PHACTR2: variants seen among roughly 807,000 people sequenced by gnomAD.
PHACTR2 encodes chromosome 6 open reading frame 56.
PHACTR2 carries 30 observed loss-of-function variants against 76.0 expected under a neutral mutation model. The ratio of observed to expected loss-of-function variants is 0.39; its 90% CI spans 0.30 to 0.54. The LOEUF is 0.54. Ranked by LOEUF, PHACTR2 falls within the 20% of genes least tolerant of loss-of-function variation. The pLI is 0.61. For synonymous variants in PHACTR2, 292 were observed against 292.5 expected (o/e 1.00, Z 0.02); for missense variants, 696 against 781.1 (o/e 0.89, Z 1.30).
rs1192848287 is a variant in PHACTR2 at position 143,543,948 on chromosome 6, G to A, written c.217+6741G>A. Among the ~76,000 whole-genome samples, 1 of 152,154 alleles carries A rather than the reference G, an allele frequency of 6.6e-6. No homozygotes were observed. The highest frequency in any genetic ancestry group is 1.5e-5 in the Non-Finnish European group (1 of 68,028). On this transcript the variant is annotated intron_variant, in intron 1 of 11. Transcript: ENST00000367584. The surrounding 1 kb of genome is among the most constrained non-coding windows in gnomAD (Gnocchi z 4.7). The stretch of plus-strand genomic sequence containing the variant: ...CTCAGAAAACAATACCGCAAAGCGT[G>A]GTGCTTTGATGTGCTGAGTATTTCT...
chr6:143,657,336 A>G (rs1274063038), intron 1 of PHACTR2, among the ~76,000 whole-genome samples: 1 of 152,020 alleles, frequency 6.6e-6, no homozygotes, highest in Non-Finnish European at 1.5e-5. Flanking sequence ...CCCTATCAAG[A>G]TGTAGAATAT....
Position 143,830,325 on chromosome 6 carries a change from G to A in PHACTR2, c.*6636G>A, listed in dbSNP as rs1469575576. The A allele has an allele frequency of 1.4e-5, 2 of 145,154 alleles. No individual in the cohort carries two copies. Among genetic ancestry groups the A allele is most frequent in the Admixed American group, 1.4e-4 (2 of 14,368 alleles). 9.0% of individuals were successfully genotyped at this position (145,154 alleles called of 1,614,324 possible). A position where few individuals can be genotyped will look rare whatever the true frequency, so the allele number is the denominator to read the frequency against. On this transcript the variant is annotated 3_prime_UTR_variant, in exon 13 of 13. Coordinates refer to ENST00000440869, the MANE Select transcript of PHACTR2 (RefSeq NM_001100164.2). ...TGTGTAACAGGGATTTTTAAATAAC[G>A]GACTATATGCATTCTTTTGTTATTT...
Position 143,825,625 on chromosome 6 carries a change from T to C in PHACTR2, c.*1936T>C, listed in dbSNP as rs1272748907. 2 of 152,194 alleles carry C rather than the reference T, an allele frequency of 1.3e-5. No homozygotes were observed. Among genetic ancestry groups the C allele is most frequent in the Non-Finnish European group, 2.9e-5 (2 of 68,024 alleles). 9.4% of individuals were successfully genotyped at this position (152,194 alleles called of 1,614,324 possible). ...TAAAAATTAACTTGTGATTTTTTTT[T>C]TCCCAAAGTCATGCTTTTCCTTAAT... On this transcript the variant is annotated 3_prime_UTR_variant, in exon 13 of 13. Coordinates refer to ENST00000440869, the MANE Select transcript of PHACTR2 (RefSeq NM_001100164.2). The surrounding 1 kb of genome is among the most constrained non-coding windows in gnomAD (Gnocchi z 4.1).
In PHACTR2 at chr6:143,775,924, A is replaced by G. The variant is rs1189422133; in HGVS notation, c.1590-1404A>G. On this transcript the variant is annotated intron_variant, in intron 8 of 12. Transcript: ENST00000440869. This position sits in a 1 kb window ranked among gnomAD's most constrained non-coding sequence, Gnocchi z 4.4. ...GGCAGGCAGATCACCTGAGGTCAGG[A>G]GTTCAAGACCGGCCTGGCCAACATG... Among the ~76,000 whole-genome samples, 1 of 152,194 alleles carries G rather than the reference A, an allele frequency of 6.6e-6. No individual in the cohort carries two copies. The highest frequency in any genetic ancestry group is 2.4e-5 in the African/African-American group (1 of 41,450).
At chr6:143,771,471 T>C (rs898293533) in intron 6 of PHACTR2, among the ~76,000 whole-genome samples, 1 of 151,258 alleles carries the variant, frequency 6.6e-6, no homozygotes, top group African/African-American at 2.4e-5. Flanking sequence ...AGTTTTGCTC[T>C]TGTTGCCCAG....
At chr6:143,637,686 T>C (rs577468061) in intron 1 of PHACTR2, among the ~76,000 whole-genome samples, 1 of 152,372 alleles carries the variant, frequency 6.6e-6, no homozygotes, top group East Asian at 1.9e-4. Flanking sequence ...GGTCCCATGT[T>C]AGCAGAGTCA....
chr6:143,749,803 A>T (rs2128469915), intron 3 of PHACTR2, among the ~76,000 whole-genome samples: 1 of 152,306 alleles, frequency 6.6e-6, no homozygotes, highest in East Asian at 1.9e-4. Flanking sequence ...CAAATAAATA[A>T]TACCTAATGA....
chr6:143,724,859 A>G (rs1281416111), intron 2 of PHACTR2, among the ~76,000 whole-genome samples: 1 of 152,230 alleles, frequency 6.6e-6, no homozygotes, highest in Non-Finnish European at 1.5e-5. Context: ...CAATGAGCCT[A>G]TAGTTCACTG....
At chr6:143,575,420 G>A (rs2128432232) in intron 1 of PHACTR2, among the ~76,000 whole-genome samples, 1 of 152,280 alleles carries the variant, frequency 6.6e-6, no homozygotes, top group South Asian at 2.1e-4. Flanking sequence ...TTATATGAAT[G>A]ATCTGTCCTT....
At chr6:143,636,938 C>T (rs1422058219) in intron 1 of PHACTR2, among the ~76,000 whole-genome samples, 1 of 152,202 alleles carries the variant, frequency 6.6e-6, no homozygotes, top group Non-Finnish European at 1.5e-5. Flanking sequence ...AATAGATCTT[C>T]CCTCTGCCAT....
Position 143,710,048 on chromosome 6 carries a change from T to C in PHACTR2, c.47-1968T>C, listed in dbSNP as rs1437603297. Among the ~76,000 whole-genome samples, 2 of 152,174 alleles carry C rather than the reference T, an allele frequency of 1.3e-5. No homozygotes were observed. The highest frequency in any genetic ancestry group is 1.5e-5 in the Non-Finnish European group (1 of 68,024). ...TGCATGGTCACAGGTTCTTCTATGG[T>C]GCTCGGCTGTAGTAGAGCAGTTATT... On this transcript the variant is annotated intron_variant, in intron 1 of 12. Coordinates refer to ENST00000440869, the MANE Select transcript of PHACTR2 (RefSeq NM_001100164.2). This position sits in a 1 kb window ranked among gnomAD's most constrained non-coding sequence, Gnocchi z 4.9.
At position 143,548,105 on chromosome 6, in the gene PHACTR2, C is replaced by A. The variant is rs1775036953; in HGVS notation, c.217+10898C>A. Among the ~76,000 whole-genome samples, 1 of 152,292 alleles carries A rather than the reference C, an allele frequency of 6.6e-6. No homozygotes were observed. The highest frequency in any genetic ancestry group is 1.9e-4 in the East Asian group (1 of 5,174). ...GTTCTGGAGGCTGGAAGTTCAAGAT[C>A]AAGACACTGGCAGATTCAGTGTTTG... On this transcript the variant is annotated intron_variant, in intron 1 of 11. Transcript: ENST00000367584. The surrounding 1 kb of genome is among the most constrained non-coding windows in gnomAD (Gnocchi z 4.5).
At position 143,787,415 on chromosome 6, in the gene PHACTR2, T is replaced by C. The variant is rs533927484; in HGVS notation, c.1708-1358T>C. ...CAGATCACTTAGATTATTCTTTCTC[T>C]TGTCCATTGCCTACCGGGGCTCTAT... On this transcript the variant is annotated intron_variant, in intron 10 of 12. Transcript: ENST00000440869. The surrounding 1 kb of genome is among the most constrained non-coding windows in gnomAD (Gnocchi z 4.6). Among the ~76,000 whole-genome samples, 3 of 152,356 alleles carry C rather than the reference T, an allele frequency of 2.0e-5. No homozygotes were observed. The highest frequency in any genetic ancestry group is 4.8e-5 in the African/African-American group (2 of 41,586).
intron 1 of PHACTR2, among the ~76,000 whole-genome samples, chr6:143,669,757 G>A (rs13191861): frequency 0.16 from 23,753 of 149,046 alleles, 2,202 homozygotes; most frequent in Middle Eastern, 0.27. Context: ...CCTTTATTTT[G>A]AGCCTATGTG....
At chr6:143,815,537 A>G (rs192396071) in intron 12 of PHACTR2, among the ~76,000 whole-genome samples, 1 of 152,326 alleles carries the variant, frequency 6.6e-6, no homozygotes, top group Admixed American at 6.5e-5. Context: ...TCAAGTAGGG[A>G]AGTACAAGAA....
rs1249978991 is a variant in PHACTR2 at position 143,795,405 on chromosome 6, C to T, written c.1845+6495C>T. On this transcript the variant is annotated intron_variant, in intron 11 of 12. Transcript: ENST00000440869. The surrounding 1 kb of genome is among the most constrained non-coding windows in gnomAD (Gnocchi z 4.8). ...CTGCAGCCTGGGCAACAGAATGAGACCCTGTCTCTAAAACAAAAATAAACA... is the reference window on the plus strand; with the variant it reads ...CTGCAGCCTGGGCAACAGAATGAGATCCTGTCTCTAAAACAAAAATAAACA... Among the ~76,000 whole-genome samples, 1 of 152,154 alleles carries T rather than the reference C, an allele frequency of 6.6e-6. No homozygotes were observed. The highest frequency in any genetic ancestry group is 1.5e-5 in the Non-Finnish European group (1 of 68,036).
At chr6:143,815,826 A>G (rs1582909344) in intron 12 of PHACTR2, among the ~76,000 whole-genome samples, 1 of 151,066 alleles carries the variant, frequency 6.6e-6, no homozygotes, top group Non-Finnish European at 1.5e-5. Context: ...CGGGAGGTGG[A>G]GGCTGCAGTG....
rs1343483885 is a variant in PHACTR2, at chr6:143,610,650, TG to T, written c.13+2329del. Among the ~76,000 whole-genome samples the T allele has an allele frequency of 6.6e-6, 1 of 152,222 alleles. No individual in the cohort carries two copies. Among genetic ancestry groups the T allele is most frequent in the Non-Finnish European group, 1.5e-5 (1 of 68,040 alleles). On this transcript the variant is annotated intron_variant, in intron 1 of 11. Transcript: ENST00000305766. This position sits in a 1 kb window ranked among gnomAD's most constrained non-coding sequence, Gnocchi z 4.9. ...TGTTAACAAGTAAAGTAAGATGAGCTGCTTGGGACTCCGGCCCTTTTGGTGG... is the reference window on the plus strand; with the variant it reads ...TGTTAACAAGTAAAGTAAGATGAGCTCTTGGGACTCCGGCCCTTTTGGTGG...
chr6:143,612,615 A>G lies in PHACTR2; in HGVS notation c.13+4293A>G, dbSNP rs983179802. On this transcript the variant is annotated intron_variant, in intron 1 of 11. Transcript: ENST00000305766. ...AAATTTATTAATGTTATATATACAC[A>G]CACACACACGTACATAATATGTACA... Among the ~76,000 whole-genome samples, 4 of 152,094 alleles carry G rather than the reference A, an allele frequency of 2.6e-5. No homozygotes were observed. In the East Asian group the frequency reaches 5.8e-4, roughly 22 times the overall value.
Sources: gnomAD v4.1 joint callset for allele counts (sites outside exome capture counted in the v4.1 genomes callset) on GRCh38, gnomAD v4.1.1 for gene constraint, Gnocchi (gnomAD v3.1) non-coding constraint, MANE v1.5 for transcripts, NCBI Gene and HGNC (gene_info 2026-07-23, HGNC 2026-07-21) for gene names.